DNPEP: variants seen among roughly 807,000 people sequenced by gnomAD.
DNPEP encodes aspartyl aminopeptidase.
In DNPEP, 46 loss-of-function variants were observed where a neutral mutation model predicts 59.1. The ratio of observed to expected loss-of-function variants is 0.78; its 90% CI spans 0.61 to 0.99. The LOEUF (loss-of-function observed/expected upper bound fraction) is 0.99, where lower values mean the gene tolerates loss of function less well. Ranked by LOEUF, DNPEP falls within the 50% of genes least tolerant of loss-of-function variation. The probability of loss-of-function intolerance (pLI) is 0.00; values close to 1 mark genes in which losing one functional copy is unlikely to be tolerated. For missense variants in DNPEP, 617 were observed against 649.9 expected (o/e 0.95, Z 0.55); for synonymous variants, 229 against 242.2 (o/e 0.95, Z 0.50).
Position 219,381,420 on chromosome 2 carries a change from A to C in DNPEP, c.1154T>G (p.Val385Gly). The C allele has an allele frequency of 1.2e-6, 2 of 1,614,148 alleles. No homozygotes were observed. The highest frequency in any genetic ancestry group is 1.1e-5 in the South Asian group (1 of 91,088). Residue 385 changes from valine to glycine, a missense_variant, in exon 13 of 15, where the codon GTG becomes GGG. Val to Gly is a moderately radical substitution (Grantham distance 109). Transcript: ENST00000273075. ...PLFHKGPVIKVNSKQRYASNA... is the reference protein window; with the variant it reads ...PLFHKGPVIKGNSKQRYASNA... Reference sequence around the variant, plus strand: ...TGAAGCATAGCGTTGCTTGCTGTTCACCTTGATCACGGGGCCCTGGGGAGA... The same window carrying C: ...TGAAGCATAGCGTTGCTTGCTGTTCCCCTTGATCACGGGGCCCTGGGGAGA...
chr2:219,381,793 T>G (rs1195526175), intron 11 of DNPEP, 186 bp downstream of exon 11: 2 of 850,252 alleles, frequency 2.4e-6, no homozygotes, highest in Non-Finnish European at 3.7e-6. Context: ...TCCACACACC[T>G]GGGTTAGGCA....
chr2:219,394,680 A>G (rs1158326493), intron 1 of DNPEP, among the ~76,000 whole-genome samples: 1 of 152,230 alleles, frequency 6.6e-6, no homozygotes, highest in African/African-American at 2.4e-5. Context: ...AATAGTATCC[A>G]TACCCTGACA....
At chr2:219,375,897 G>A (rs1953353472) in intron 13 of DNPEP, among the ~76,000 whole-genome samples, 1 of 152,100 alleles carries the variant, frequency 6.6e-6, no homozygotes, top group African/African-American at 2.4e-5. Flanking sequence ...CTATGTCCAT[G>A]GAAATGGACC....
chr2:219,373,215 T>G lies in DNPEP; in HGVS notation c.*1077A>C, dbSNP rs924737633. Among the ~76,000 whole-genome samples, 6 of 151,170 alleles carry G rather than the reference T, an allele frequency of 4.0e-5. No homozygotes were observed. Among genetic ancestry groups the G allele is most frequent in the Non-Finnish European group, 5.9e-5 (4 of 67,938 alleles). On this transcript the variant is annotated 3_prime_UTR_variant, in exon 15 of 15. Transcript: ENST00000273075. ...TCCGGAGTGGCTGAGATTACAGGCA[T>G]GTGCCACCACGCCCGGCTAATTTTG... is the stretch of plus-strand genomic sequence containing the variant.
rs770804812 is a variant in DNPEP, at chr2:219,381,552, A to G, written c.1130T>C (p.Phe377Ser). The G allele has an allele frequency of 1.2e-6, 2 of 1,614,206 alleles. No homozygotes were observed. Among genetic ancestry groups the G allele is most frequent in the Non-Finnish European group, 1.7e-6 (2 of 1,180,028 alleles). Residue 377 changes from phenylalanine to serine, a missense_variant, in exon 12 of 15, where the codon TTC becomes TCC. Physicochemically the swap from Phe to Ser is radical, Grantham distance 155. Coordinates refer to ENST00000273075, the MANE Select transcript of DNPEP (RefSeq NM_012100.4). Reference protein sequence around the residue: ...DKHEENHRPLFHKGPVIKVNS... With the variant: ...DKHEENHRPLSHKGPVIKVNS... Reference sequence around the variant, plus strand: ...AGAAATGGCACGTCTCACCTTGTGGAATAAAGGCCGGTGGTTCTCCTCATG... The same window carrying G: ...AGAAATGGCACGTCTCACCTTGTGGGATAAAGGCCGGTGGTTCTCCTCATG...
chr2:219,380,210 T>TC lies in DNPEP; in HGVS notation c.1239+1124_1239+1125insG, dbSNP rs1159726169. On this transcript the variant is annotated intron_variant, in intron 13 of 14. Coordinates refer to ENST00000273075, the MANE Select transcript of DNPEP (RefSeq NM_012100.4). ...ACTTTTCTTTTTCTTTTCTTTTTTTTTTTTTTTTGGTTTTGTTTTTTTGGA... is the reference window on the plus strand; with the variant it reads ...ACTTTTCTTTTTCTTTTCTTTTTTTTCTTTTTTTTGGTTTTGTTTTTTTGGA... Among the ~76,000 whole-genome samples, 587 of 150,400 alleles carry TC rather than the reference T, an allele frequency of 3.9e-3. 8 individuals carry two copies. Among genetic ancestry groups the TC allele is most frequent in the Middle Eastern group, 0.01 (3 of 294 alleles).
intron 9 of DNPEP, among the ~76,000 whole-genome samples, chr2:219,383,563 G>C (rs181076214): frequency 6.6e-6 from 1 of 151,846 alleles, no homozygotes; most frequent in African/African-American, 2.4e-5. Flanking sequence ...CATCCTTTGG[G>C]TGTTGTTCTC....
Position 219,373,368 on chromosome 2 carries a change from T to A in DNPEP, c.*924A>T, listed in dbSNP as rs1383401866. Among the ~76,000 whole-genome samples the A allele has an allele frequency of 6.6e-6, 1 of 151,926 alleles. No homozygotes were observed. The highest frequency in any genetic ancestry group is 1.5e-5 in the Non-Finnish European group (1 of 67,996). On this transcript the variant is annotated 3_prime_UTR_variant, in exon 15 of 15. Coordinates refer to ENST00000273075, the MANE Select transcript of DNPEP (RefSeq NM_012100.4). The stretch of plus-strand genomic sequence containing the variant: ...CAGGCATGACCCATCACGCCTGGCC[T>A]TTTTTCTCTGAGACAGAGCCTTGCT...
At chr2:219,387,947 C>T, upstream of DNPEP, 1 of 1,339,614 alleles carries the variant, frequency 7.5e-7, no homozygotes, top group Non-Finnish European at 9.6e-7. Context: ...GTTTGGCCTC[C>T]CCGCCCACCT....
At chr2:219,388,814 G>A, upstream of DNPEP, 7 of 985,468 alleles carry the variant, frequency 7.1e-6, no homozygotes, top group Non-Finnish European at 8.4e-6. Context: ...TTAGCTTTAT[G>A]ATAAAGATTG....
chr2:219,397,272 A>T lies in DNPEP; in HGVS notation c.-158+2668T>A, dbSNP rs564406164. On this transcript the variant is annotated intron_variant, in intron 1 of 6. Coordinates refer to the DNPEP transcript ENST00000434339. ...AGAGACATCAGACAGGAAGCTTGAGACAGGCCTGCAAGTATTTACACCACT... is the reference window on the plus strand; with the variant it reads ...AGAGACATCAGACAGGAAGCTTGAGTCAGGCCTGCAAGTATTTACACCACT... 4.8e-5 allele frequency among the ~76,000 whole-genome samples: 7 copies of T among 144,410 alleles called. No individual in the cohort carries two copies. The Admixed American group carries it at 4.9e-4, about 10-fold the overall frequency. The allele number at this position is 144,410 out of a possible 152,430, so 94.7% of individuals were successfully genotyped here.
chr2:219,386,300 G>A lies in DNPEP; in HGVS notation c.445C>T (p.Arg149Cys), dbSNP rs555897972. The A allele has an allele frequency of 2.1e-5, 34 of 1,614,144 alleles. No individual in the cohort carries two copies. Among genetic ancestry groups the A allele is most frequent in the African/African-American group, 9.3e-5 (7 of 75,032 alleles). The part of the protein sequence containing the change: ...WFDRDLTLAG[R>C]VIVKCPTSGR... ...TCGGTTCCCACCTTGACAATGACGC[G>A]TCCAGCCAGAGTCAGGTCACGGTCA... Residue 149 changes from arginine (R) to cysteine (C), a missense_variant, in exon 5 of 15, where the codon CGC becomes TGC. Transcript: ENST00000273075.
At chr2:219,382,192 T>C in intron 10 of DNPEP, 53 bp from the exon 11 acceptor site, 3 of 1,571,058 alleles carry the variant, frequency 1.9e-6, no homozygotes, top group Non-Finnish European at 2.6e-6. Flanking sequence ...GGCCTGATCT[T>C]GGAAGCCAGT....
At chr2:219,377,325 A>C (rs1953416248) in intron 13 of DNPEP, among the ~76,000 whole-genome samples, 1 of 150,026 alleles carries the variant, frequency 6.7e-6, no homozygotes, top group African/African-American at 2.5e-5. Flanking sequence ...GAATCCATCA[A>C]GTCTTTAGAA....
intron 1 of DNPEP, 41 bp downstream of exon 1, chr2:219,387,718 C>G: frequency 6.2e-7 from 1 of 1,607,752 alleles, no homozygotes; most frequent in African/African-American, 1.3e-5. Flanking sequence ...CGGACCCGGT[C>G]TGGGATCGAA....
At chr2:219,382,248 T>C in intron 10 of DNPEP, 109 bp from the exon 11 acceptor site, 1 of 1,294,708 alleles carries the variant, frequency 7.7e-7, no homozygotes, top group Non-Finnish European at 1.1e-6. Context: ...ACTGAGTCAC[T>C]GGGTGTTCTT....
upstream of DNPEP, among the ~76,000 whole-genome samples, chr2:219,389,437 A>G (rs1280917315): frequency 6.6e-6 from 1 of 152,210 alleles, no homozygotes; most frequent in African/African-American, 2.4e-5. Flanking sequence ...AAGGTCCTGC[A>G]GCCCTCACTT....
Position 219,372,968 on chromosome 2 carries a change from A to T in DNPEP, c.*1324T>A, listed in dbSNP as rs1953237890. Among the ~76,000 whole-genome samples the T allele has an allele frequency of 6.6e-6, 1 of 152,202 alleles. No individual in the cohort carries two copies. Among genetic ancestry groups the T allele is most frequent in the African/African-American group, 2.4e-5 (1 of 41,456 alleles). On this transcript the variant is annotated 3_prime_UTR_variant, in exon 15 of 15. Coordinates refer to ENST00000273075, the MANE Select transcript of DNPEP (RefSeq NM_012100.4). Reference sequence around the variant, plus strand: ...GAAGTGGAATATTTATATGGAAATAAACTTTTATATAGGTATCAAAAAGAT... The same window carrying T: ...GAAGTGGAATATTTATATGGAAATATACTTTTATATAGGTATCAAAAAGAT...
intron 1 of DNPEP, among the ~76,000 whole-genome samples, chr2:219,397,400 C>T (rs189255388): frequency 6.1e-4 from 93 of 152,014 alleles, no homozygotes; most frequent in African/African-American, 2.2e-3. Context: ...GAGTTTTGCT[C>T]TGTTGCCCAG....
Sources: gnomAD v4.1 joint callset for allele counts (sites outside exome capture counted in the v4.1 genomes callset) on GRCh38, gnomAD v4.1.1 for gene constraint, MANE v1.5 for transcripts, NCBI Gene and HGNC (gene_info 2026-07-23, HGNC 2026-07-21) for gene names.